DOCK3: variants seen among roughly 807,000 people sequenced by gnomAD.
DOCK3 encodes the protein dedicator of cytokinesis protein 3.
Under a neutral mutation model 265.6 loss-of-function variants are expected in DOCK3, and 60 were observed. That is an observed-to-expected ratio of 0.23 (90% confidence interval 0.18 to 0.28). The LOEUF is 0.28. Among genes scored for constraint, DOCK3 ranks in the 10% least tolerant of loss-of-function variants. The pLI is 1.00. For synonymous variants in DOCK3, 881 were observed against 938.0 expected (o/e 0.94, Z 1.11); for missense variants, 1,981 against 2,594.3 (o/e 0.76, Z 5.14).
intron 9 of DOCK3, among the ~76,000 whole-genome samples, chr3:51,121,468 T>A (rs2084015280): frequency 6.6e-6 from 1 of 152,108 alleles, no homozygotes; most frequent in African/African-American, 2.4e-5. Flanking sequence ...CAGGGAAGGC[T>A]TTTAGTGCAG....
intron 9 of DOCK3, among the ~76,000 whole-genome samples, chr3:51,140,354 G>C (rs973357809): frequency 1.3e-5 from 2 of 152,144 alleles, no homozygotes; most frequent in Non-Finnish European, 2.9e-5. Flanking sequence ...ATCATACAGT[G>C]TGTGGTCTTA....
intron 12 of DOCK3, among the ~76,000 whole-genome samples, chr3:51,170,936 C>T (rs1223735132): frequency 1.6e-5 from 2 of 126,724 alleles, no homozygotes; most frequent in Non-Finnish European, 3.2e-5. Flanking sequence ...AGCAAGACTC[C>T]ATCTCAAAAA....
At chr3:51,208,940 C>A in intron 13 of DOCK3, 78 bp downstream of exon 13, 1 of 1,257,750 alleles carries the variant, frequency 8.0e-7, no homozygotes, top group Non-Finnish European at 1.1e-6. Context: ...TTGGTTGGTG[C>A]AGATTGGCTG....
At chr3:51,152,471 CT>C (rs1302473222) in intron 10 of DOCK3, among the ~76,000 whole-genome samples, 2 of 152,132 alleles carry the variant, frequency 1.3e-5, no homozygotes, top group Non-Finnish European at 2.9e-5. Context: ...TTTGTTATTA[CT>C]GACCTTCTGA....
chr3:51,072,893 A>T (rs1181801844), intron 6 of DOCK3, among the ~76,000 whole-genome samples: 2 of 147,472 alleles, frequency 1.4e-5, no homozygotes, highest in Admixed American at 6.8e-5. Flanking sequence ...TTTTTTTTAG[A>T]GATGGGGTCT....
intron 1 of DOCK3, among the ~76,000 whole-genome samples, chr3:50,726,430 G>C (rs572103722): frequency 1.2e-4 from 19 of 152,078 alleles, no homozygotes; most frequent in Non-Finnish European, 2.4e-4. Flanking sequence ...TACATACCAG[G>C]GCTAGACCTA....
chr3:51,305,906 A>G (rs2082662471), intron 27 of DOCK3, among the ~76,000 whole-genome samples: 1 of 130,094 alleles, frequency 7.7e-6, no homozygotes, highest in African/African-American at 3.0e-5. Context: ...TGGCACAATC[A>G]TAGCTCACTG....
chr3:50,992,932 G>A (rs1369773829), intron 5 of DOCK3, among the ~76,000 whole-genome samples: 1 of 152,134 alleles, frequency 6.6e-6, no homozygotes, highest in Non-Finnish European at 1.5e-5. Context: ...TGGATTCACA[G>A]CCTAAAAACC....
intron 5 of DOCK3, among the ~76,000 whole-genome samples, chr3:50,947,154 G>A (rs2076450043): frequency 6.6e-6 from 1 of 151,880 alleles, no homozygotes; most frequent in Admixed American, 6.6e-5. Flanking sequence ...ACTACTGTCT[G>A]TATTGAAATA....
At chr3:50,889,869 A>G (rs979225010) in intron 3 of DOCK3, among the ~76,000 whole-genome samples, 157 bp from the exon 4 acceptor site, 1 of 152,092 alleles carries the variant, frequency 6.6e-6, no homozygotes, top group African/African-American at 2.4e-5. Context: ...CCTACCTAAT[A>G]TACTTTGTAC....
At chr3:51,234,691 A>C (rs1259697405) in intron 19 of DOCK3, among the ~76,000 whole-genome samples, 2 of 152,226 alleles carry the variant, frequency 1.3e-5, no homozygotes, top group Admixed American at 6.5e-5. Flanking sequence ...CTTGGAGTCC[A>C]TAATACCTTC....
chr3:51,302,150 C>T (rs1262810611), intron 27 of DOCK3, among the ~76,000 whole-genome samples: 15 of 152,158 alleles, frequency 9.9e-5, no homozygotes, highest in Non-Finnish European at 1.5e-5. Context: ...GATAGCCCTT[C>T]TTGTTGCATT....
intron 4 of DOCK3, among the ~76,000 whole-genome samples, chr3:50,907,655 A>G (rs1051971526): frequency 1.3e-5 from 2 of 152,010 alleles, no homozygotes; most frequent in Admixed American, 6.6e-5. Context: ...GTCTCTGCAC[A>G]TGAGATGAGT....
chr3:51,353,177 T>C (rs1282573268), intron 40 of DOCK3, among the ~76,000 whole-genome samples: 1 of 152,258 alleles, frequency 6.6e-6, no homozygotes, highest in Non-Finnish European at 1.5e-5. Flanking sequence ...CAGTTTTATT[T>C]ATCAAGCAAA....
At chr3:51,183,001 G>A (rs1180053626) in intron 12 of DOCK3, among the ~76,000 whole-genome samples, 2 of 152,160 alleles carry the variant, frequency 1.3e-5, no homozygotes, top group Non-Finnish European at 2.9e-5. Context: ...ACAAATGTAT[G>A]CATCTGGTTT....
At chr3:50,690,886 C>A (rs1410516317) in intron 1 of DOCK3, among the ~76,000 whole-genome samples, 1 of 151,794 alleles carries the variant, frequency 6.6e-6, no homozygotes, top group Non-Finnish European at 1.5e-5. Flanking sequence ...CGTGATCCAC[C>A]CACCTCGGCT....
chr3:50,840,831 G>A (rs1464582318), intron 2 of DOCK3, among the ~76,000 whole-genome samples: 1 of 152,178 alleles, frequency 6.6e-6, no homozygotes, highest in Non-Finnish European at 1.5e-5. Flanking sequence ...GTAGGAGCAA[G>A]GCTCATCTCT....
At chr3:50,833,844 A>G (rs2045341895) in intron 2 of DOCK3, among the ~76,000 whole-genome samples, 1 of 152,228 alleles carries the variant, frequency 6.6e-6, no homozygotes, top group Non-Finnish European at 1.5e-5. Flanking sequence ...ATATTGCCAT[A>G]AATTAAGAAT....
chr3:50,683,712 T>C (rs1467130780), intron 1 of DOCK3, among the ~76,000 whole-genome samples: 2 of 152,150 alleles, frequency 1.3e-5, no homozygotes, highest in East Asian at 1.9e-4. Context: ...AATATCAGCA[T>C]TGAAAAGATG....
Sources: allele counts gnomAD v4.1 joint callset (sites outside exome capture counted in the v4.1 genomes callset), GRCh38; gene constraint gnomAD v4.1.1; transcripts MANE v1.5; gene names NCBI Gene and HGNC (gene_info 2026-07-23, HGNC 2026-07-21).